Variants in KAZN observed in about 807,000 individuals in gnomAD.
KAZN encodes the protein kazrin, periplakin interacting protein.
Under a neutral mutation model 87.4 loss-of-function variants are expected in KAZN, and 40 were observed. The ratio of observed to expected loss-of-function variants is 0.46; its 90% CI spans 0.36 to 0.60. KAZN has a LOEUF of 0.60. KAZN is among the 20% of genes least tolerant of loss of function. The pLI, the probability that KAZN is intolerant of heterozygous loss-of-function variation, is 0.00. For synonymous variants in KAZN, 466 were observed against 458.3 expected, an observed-to-expected ratio of 1.02 and a Z score of -0.22; for missense variants, 898 against 1,073.9, an observed-to-expected ratio of 0.84 and a Z score of 2.29.
chr1:14,544,356 T>TTTTTTTTTTTTTTTTTTTG, intron 2 of KAZN, among the ~76,000 whole-genome samples: 1 of 147,386 alleles, frequency 6.8e-6, no homozygotes, highest in Non-Finnish European at 1.5e-5. Context: ...CTTTCTTTTT[T>TTTTTTTTTTTTTTTTTTTG]TTTTTTTTTT....
intron 2 of KAZN, among the ~76,000 whole-genome samples, chr1:14,575,328 G>A (rs955086273): frequency 6.6e-6 from 1 of 152,102 alleles, no homozygotes; most frequent in Admixed American, 6.5e-5. Flanking sequence ...GGCTGGGGAG[G>A]CCTCACAATC....
intron 2 of KAZN, among the ~76,000 whole-genome samples, chr1:14,405,159 G>A (rs1355758165): frequency 1.3e-5 from 2 of 152,158 alleles, no homozygotes; most frequent in South Asian, 2.1e-4. Flanking sequence ...AGCAGACCAA[G>A]GCTATGTGTT....
intron 1 of KAZN, among the ~76,000 whole-genome samples, chr1:14,078,899 G>T (rs896797889): frequency 6.6e-6 from 1 of 152,132 alleles, no homozygotes; most frequent in Non-Finnish European, 1.5e-5. Flanking sequence ...TGAACAGGCT[G>T]GTCCTGAACT....
intron 1 of KAZN, among the ~76,000 whole-genome samples, chr1:14,083,384 T>G (rs1340530055): frequency 6.6e-6 from 1 of 152,230 alleles, no homozygotes. Flanking sequence ...TTGAATTCTA[T>G]CTCTGTTACT....
intron 1 of KAZN, among the ~76,000 whole-genome samples, chr1:13,980,362 A>T (rs573161473): frequency 6.6e-6 from 1 of 152,212 alleles, no homozygotes; most frequent in African/African-American, 2.4e-5. Context: ...TTTAAAACAT[A>T]TAACTATATG....
At chr1:14,347,985 G>A (rs1025125084) in intron 2 of KAZN, among the ~76,000 whole-genome samples, 2 of 149,674 alleles carry the variant, frequency 1.3e-5, no homozygotes, top group Admixed American at 6.7e-5. Context: ...TCCCAGGCTC[G>A]AGTGATCCTC....
In KAZN at chr1:14,653,465, C is replaced by T. The variant is rs1300060643; in HGVS notation, c.226+54242C>T. Among the ~76,000 whole-genome samples the T allele has an allele frequency of 1.3e-5, 2 of 152,190 alleles. 1 individual carries two copies. The highest frequency in any genetic ancestry group is 2.9e-5 in the Non-Finnish European group (2 of 68,034). On this transcript the variant is annotated intron_variant, in intron 1 of 14. Transcript: ENST00000376030. ...CCACCCAGCCCCAGTCAGCTGGCTC[C>T]ATCTGAGAATGTAGGCCCGGGGCGG...
At chr1:14,803,645 G>A (rs972113677) in intron 1 of KAZN, among the ~76,000 whole-genome samples, 2 of 152,230 alleles carry the variant, frequency 1.3e-5, no homozygotes, top group African/African-American at 2.4e-5. Flanking sequence ...CCACAAGTGG[G>A]CCCCCAAAAT....
At chr1:14,551,818 G>A (rs1266371351) in intron 2 of KAZN, among the ~76,000 whole-genome samples, 2 of 152,072 alleles carry the variant, frequency 1.3e-5, no homozygotes, top group Non-Finnish European at 2.9e-5. Context: ...AGGTAGTATC[G>A]GTATAATCCA....
chr1:14,966,110 G>A (rs1664433025), intron 2 of KAZN, among the ~76,000 whole-genome samples: 1 of 151,376 alleles, frequency 6.6e-6, no homozygotes, highest in African/African-American at 2.4e-5. Context: ...CTCCCAAGTA[G>A]CTGGGATTAC....
chr1:14,661,563 A>T (rs1421454533), intron 1 of KAZN, among the ~76,000 whole-genome samples: 1 of 151,780 alleles, frequency 6.6e-6, no homozygotes, highest in Admixed American at 6.6e-5. Context: ...ATTTACAAGA[A>T]CAGGTGGTGG....
intron 13 of KAZN, among the ~76,000 whole-genome samples, chr1:15,104,627 A>G (rs891878638): frequency 3.3e-5 from 5 of 152,124 alleles, no homozygotes; most frequent in Non-Finnish European, 5.9e-5. Flanking sequence ...ATGCTTATGG[A>G]CCAGGTAAGC....
At chr1:14,868,386 C>T (rs1651771839) in intron 1 of KAZN, among the ~76,000 whole-genome samples, 2 of 152,178 alleles carry the variant, frequency 1.3e-5, no homozygotes, top group Admixed American at 1.3e-4. Flanking sequence ...TAACACTTTC[C>T]TGGGATGGGA....
At chr1:15,009,074 G>GC (rs777853202) in intron 2 of KAZN, among the ~76,000 whole-genome samples, 67 of 152,212 alleles carry the variant, frequency 4.4e-4, no homozygotes, top group Non-Finnish European at 8.8e-4. Flanking sequence ...TGAGCCAGCA[G>GC]CCCCCTTCCC....
At chr1:14,375,458 T>G (rs1364610353) in intron 2 of KAZN, among the ~76,000 whole-genome samples, 2 of 152,188 alleles carry the variant, frequency 1.3e-5, no homozygotes, top group Non-Finnish European at 2.9e-5. Flanking sequence ...CTGTGTATCT[T>G]CAACACTGGG....
intron 2 of KAZN, among the ~76,000 whole-genome samples, chr1:14,528,754 A>AAAC (rs1672049949): frequency 6.6e-6 from 1 of 150,700 alleles, no homozygotes; most frequent in South Asian, 2.1e-4. Flanking sequence ...GTCTCAAAAA[A>AAAC]AAAAAAAAAA....
chr1:14,289,581 C>T (rs1396509837), intron 2 of KAZN, among the ~76,000 whole-genome samples: 2 of 151,942 alleles, frequency 1.3e-5, no homozygotes, highest in East Asian at 1.9e-4. Flanking sequence ...TGTCTCTGCA[C>T]ATAAGATGGG....
intron 2 of KAZN, among the ~76,000 whole-genome samples, chr1:14,523,989 CTCGTTTTGTT>C (rs1223506769): frequency 1.6e-5 from 2 of 122,636 alleles, no homozygotes; most frequent in African/African-American, 3.0e-5. Context: ...AGGCGTGTCA[CTCGTTTTGTT>C]TTGTTTTGTT....
At position 14,053,492 on chromosome 1, in the gene KAZN, TA is replaced by T. The variant is rs776187687; in HGVS notation, c.92-126942del. On this transcript the variant is annotated intron_variant, in intron 1 of 16. Transcript: ENST00000636203. ...TTTTTGGTAGCTTGTTACCCAACAG[TA>T]GAGAACTAAGGCAGTTGGTATCACA... is the stretch of plus-strand genomic sequence containing the variant. Among the ~76,000 whole-genome samples, 197 of 152,282 alleles carry T rather than the reference TA, an allele frequency of 1.3e-3. 3 individuals are homozygous for T. The highest frequency in any genetic ancestry group is 1.5e-3 in the Non-Finnish European group (101 of 68,016).
Sources: allele counts gnomAD v4.1 joint callset (sites outside exome capture counted in the v4.1 genomes callset), GRCh38; gene constraint gnomAD v4.1.1; transcripts MANE v1.5; gene names NCBI Gene and HGNC (gene_info 2026-07-23, HGNC 2026-07-21).